Variants in HOOK3 observed in about 807,000 individuals in gnomAD.
HOOK3 encodes hook microtubule tethering protein 3, also known as protein Hook homolog 3.
Under a neutral mutation model 116.3 loss-of-function variants are expected in HOOK3, and 24 were observed. The observed-to-expected ratio is 0.21, with a 90% confidence interval of 0.15 to 0.29. The LOEUF (loss-of-function observed/expected upper bound fraction) is 0.29. Ranked by LOEUF, HOOK3 falls within the 10% of genes least tolerant of loss-of-function variation. HOOK3 has a pLI of 1.00. For missense variants in HOOK3, 632 were observed against 830.2 expected (o/e 0.76, Z 2.93); for synonymous variants, 275 against 283.0 (o/e 0.97, Z 0.28).
chr8:43,007,965 C>A, intron 18 of HOOK3, 36 bp downstream of exon 18: 2 of 1,129,030 alleles, frequency 1.8e-6, no homozygotes, highest in Non-Finnish European at 2.7e-6. Flanking sequence ...TTTAAGTGGG[C>A]TTGCTGTATA....
At chr8:42,898,396 C>T (rs1177631145) in intron 1 of HOOK3, among the ~76,000 whole-genome samples, 1 of 152,100 alleles carries the variant, frequency 6.6e-6, no homozygotes, top group East Asian at 1.9e-4. Context: ...ATGAGTTCTC[C>T]CTCCAGGCAA....
At chr8:43,006,819 TA>T (rs1298764488) in intron 17 of HOOK3, among the ~76,000 whole-genome samples, 1 of 152,148 alleles carries the variant, frequency 6.6e-6, no homozygotes, top group Non-Finnish European at 1.5e-5. Context: ...TGCTTTTTTT[TA>T]ATTAGTGATT....
In HOOK3 at chr8:43,013,411, A is replaced by G. The variant is rs751481070; in HGVS notation, c.2016+11A>G. The G allele has an allele frequency of 6.4e-7, 1 of 1,561,554 alleles. No homozygotes were observed. Among genetic ancestry groups the G allele is most frequent in the Admixed American group, 2.0e-5 (1 of 49,872 alleles). Reference sequence around the variant, plus strand: ...GCCTGGTACAATATGGTAAGAAAATAGTACTTTGGAGCATAATGAAAACTT... The same window carrying G: ...GCCTGGTACAATATGGTAAGAAAATGGTACTTTGGAGCATAATGAAAACTT... On this transcript the variant is annotated intron_variant, in intron 21 of 21. Transcript: ENST00000307602.
At chr8:43,014,235 G>A (rs999061441) in intron 21 of HOOK3, among the ~76,000 whole-genome samples, 11 of 141,486 alleles carry the variant, frequency 7.8e-5, no homozygotes, top group Non-Finnish European at 1.1e-4. Context: ...GCAATGAGCC[G>A]AGATTGTGCC....
intron 6 of HOOK3, among the ~76,000 whole-genome samples, chr8:42,955,776 A>G (rs1808421497): frequency 1.3e-5 from 2 of 152,310 alleles, no homozygotes; most frequent in South Asian, 2.1e-4. Flanking sequence ...GAGGCCTACA[A>G]TGAGAGATGG....
chr8:42,977,987 A>G (rs1461217705), intron 13 of HOOK3, among the ~76,000 whole-genome samples: 1 of 152,200 alleles, frequency 6.6e-6, no homozygotes, highest in Non-Finnish European at 1.5e-5. Flanking sequence ...TACCATCATA[A>G]TGGGCTCTGC....
intron 2 of HOOK3, among the ~76,000 whole-genome samples, chr8:42,919,564 C>CT (rs1807609350): frequency 6.6e-6 from 1 of 152,196 alleles, no homozygotes; most frequent in African/African-American, 2.4e-5. Context: ...AGGCTGCAAT[C>CT]TCGGCATTTT....
In HOOK3 at chr8:43,010,726, C is replaced by T. The variant is rs574914930; in HGVS notation, c.1839+321C>T. On this transcript the variant is annotated intron_variant, in intron 19 of 21. Coordinates refer to ENST00000307602, the MANE Select transcript of HOOK3 (RefSeq NM_032410.4). ...TATCCTGTGCCTCTTGATGGAGTAT[C>T]GTTGTAAATAATAGTTAACCTGAAT... is the stretch of plus-strand genomic sequence containing the variant. Among the ~76,000 whole-genome samples, 17 of 152,238 alleles carry T rather than the reference C, an allele frequency of 1.1e-4. 1 individual carries two copies. The East Asian group carries it at 2.7e-3, about 24-fold the overall frequency.
intron 17 of HOOK3, among the ~76,000 whole-genome samples, chr8:43,004,776 T>C (rs1222134599): frequency 6.6e-6 from 1 of 151,380 alleles, no homozygotes; most frequent in Non-Finnish European, 1.5e-5. Flanking sequence ...TTGCCGAAGA[T>C]GTTGAGCAAT....
chr8:42,897,560 G>T lies in HOOK3; in HGVS notation c.57+372G>T, dbSNP rs554397385. ...TTCGCGGAGGACGGGCCCGGCTCCG[G>T]CCCGGGAACTGAAAGGACCTGTGAG... On this transcript the variant is annotated intron_variant, in intron 1 of 21. Coordinates refer to ENST00000307602, the MANE Select transcript of HOOK3 (RefSeq NM_032410.4). Among the ~76,000 whole-genome samples, 9 of 152,360 alleles carry T rather than the reference G, an allele frequency of 5.9e-5. No individual in the cohort carries two copies. The South Asian group carries it at 1.9e-3, about 32-fold the overall frequency.
At chr8:42,972,898 ACTT>A (rs1396287744) in intron 11 of HOOK3, among the ~76,000 whole-genome samples, 1 of 152,080 alleles carries the variant, frequency 6.6e-6, no homozygotes, top group Non-Finnish European at 1.5e-5. Context: ...ATCTGCATGA[ACTT>A]CTCATTCTGG....
chr8:42,970,044 C>T (rs1396539084), intron 11 of HOOK3, among the ~76,000 whole-genome samples: 1 of 152,024 alleles, frequency 6.6e-6, no homozygotes, highest in African/African-American at 2.4e-5. Flanking sequence ...ATTTTCTTTA[C>T]AAAGATTTAA....
intron 4 of HOOK3, among the ~76,000 whole-genome samples, chr8:42,942,161 G>C (rs149783000): frequency 0.015 from 2,322 of 152,274 alleles, 30 homozygotes; most frequent in Non-Finnish European, 0.022. Context: ...GGGAGGCTGA[G>C]GCAGGAGAAT....
Position 43,027,381 on chromosome 8 carries a change from TAGAG to T in HOOK3, c.*8887_*8890del, listed in dbSNP as rs1809950830. 1 of 426,970 alleles carries T rather than the reference TAGAG, an allele frequency of 2.3e-6. No homozygotes were observed. The highest frequency in any genetic ancestry group is 4.5e-6 in the Non-Finnish European group (1 of 222,746). The allele number at this position is 426,970 out of a possible 1,614,324, so 26.4% of individuals were successfully genotyped here. A position where few individuals can be genotyped will look rare whatever the true frequency, so the allele number is the denominator to read the frequency against. On this transcript the variant is annotated 3_prime_UTR_variant, in exon 22 of 22. Coordinates refer to ENST00000307602, the MANE Select transcript of HOOK3 (RefSeq NM_032410.4). ...TATGGACACAATTACTGCCAAAGAA[TAGAG>T]AGATTTGCTTATGAGAACATTCTGT...
chr8:42,975,837 C>T (rs1180176433), intron 13 of HOOK3, among the ~76,000 whole-genome samples: 1 of 152,148 alleles, frequency 6.6e-6, no homozygotes, highest in Non-Finnish European at 1.5e-5. Context: ...TCCCTAGTAG[C>T]TGGGACTACA....
chr8:42,968,096 G>A lies in HOOK3; in HGVS notation c.1004G>A (p.Arg335Gln), dbSNP rs1211769085. The change falls in exon 11 of 22, where the codon CGG becomes CAG. Residue 335 changes from arginine (R) to glutamine (Q), a missense_variant. Transcript: ENST00000307602. ...KKLEDLGDLR[R>Q]QVKLLEEKNT... ...CTAGAAGACCTTGGTGATTTAAGGCGGCAGGTTAAACTCTTAGAAGAGAAG... is the reference window on the plus strand; with the variant it reads ...CTAGAAGACCTTGGTGATTTAAGGCAGCAGGTTAAACTCTTAGAAGAGAAG... 16 of 1,611,092 alleles carry A rather than the reference G, an allele frequency of 9.9e-6. No homozygotes were observed. The highest frequency in any genetic ancestry group is 2.2e-5 in the East Asian group (1 of 44,850).
At position 43,029,502 on chromosome 8, in the gene HOOK3, T is replaced by C. The variant is rs1457592470; in HGVS notation, c.*11004T>C. 1.6e-5 allele frequency: 3 copies of C among 182,874 alleles called. No individual in the cohort carries two copies. The highest frequency in any genetic ancestry group is 7.1e-5 in the African/African-American group (3 of 42,508). The allele number at this position is 182,874 out of a possible 1,614,324, so 11.3% of individuals were successfully genotyped here. ...TATTTATAATTCAAATGCACTAAAA[T>C]ATCATCGCTGTCATGAACTTTGCTG... is the stretch of plus-strand genomic sequence containing the variant. On this transcript the variant is annotated 3_prime_UTR_variant, in exon 22 of 22. Coordinates refer to ENST00000307602, the MANE Select transcript of HOOK3 (RefSeq NM_032410.4).
At chr8:42,973,717 G>T (rs1808767698) in intron 12 of HOOK3, among the ~76,000 whole-genome samples, 1 of 151,944 alleles carries the variant, frequency 6.6e-6, no homozygotes, top group African/African-American at 2.4e-5. Context: ...GATTAATAGA[G>T]GACTTTTTGT....
intron 6 of HOOK3, among the ~76,000 whole-genome samples, chr8:42,952,883 A>T (rs566867339): frequency 6.6e-6 from 1 of 152,278 alleles, no homozygotes; most frequent in South Asian, 2.1e-4. Context: ...GTTGGTGTGG[A>T]GGCTCTATAG....
Sources: gnomAD v4.1 joint callset for allele counts (sites outside exome capture counted in the v4.1 genomes callset) on GRCh38, gnomAD v4.1.1 for gene constraint, MANE v1.5 for transcripts, NCBI Gene and HGNC (gene_info 2026-07-23, HGNC 2026-07-21) for gene names.